Variants in TCF4 observed in about 807,000 individuals in gnomAD.
TCF4 encodes the protein transcription factor 4, also known as SL3-3 enhancer factor 2.
In TCF4, 3 loss-of-function variants were observed where a neutral mutation model predicts 82.1. The ratio of observed to expected loss-of-function variants is 0.04; its 90% CI spans 0.02 to 0.09. The LOEUF (loss-of-function observed/expected upper bound fraction) is 0.09, where lower values mean the gene tolerates loss of function less well. TCF4 is among the 10% of genes least tolerant of loss of function. The pLI, the probability that TCF4 is intolerant of heterozygous loss-of-function variation, is 1.00. For synonymous variants in TCF4, 276 were observed against 309.6 expected (o/e 0.89, Z 1.14); for missense variants, 518 against 852.7 (o/e 0.61, Z 4.89).
chr18:55,628,583 C>T (rs2097728798), intron 2 of TCF4, among the ~76,000 whole-genome samples: 1 of 151,890 alleles, frequency 6.6e-6, no homozygotes, highest in Non-Finnish European at 1.5e-5. Flanking sequence ...ATTAAAATAC[C>T]AGATAATGTC....
Position 55,587,874 on chromosome 18 carries a change from G to C in TCF4, c.-21+164C>G, listed in dbSNP as rs1344204439. Among the ~76,000 whole-genome samples, 15 of 148,320 alleles carry C rather than the reference G, an allele frequency of 1.0e-4. No individual in the cohort carries two copies. In the South Asian group the frequency reaches 2.3e-3, roughly 23 times the overall value. On this transcript the variant is annotated intron_variant, in intron 1 of 19. Transcript: ENST00000354452. ...GAGGGGCGGGGGGGCTGGCGGCGAG[G>C]GGGAGGGAAGCGGCGGGAGGGGAAG...
intron 3 of TCF4, among the ~76,000 whole-genome samples, chr18:55,529,885 T>A (rs780580152): frequency 1.3e-5 from 2 of 152,246 alleles, no homozygotes; most frequent in Non-Finnish European, 2.9e-5. Context: ...GTGATTCAGT[T>A]AACACTCCTT....
intron 6 of TCF4, among the ~76,000 whole-genome samples, chr18:55,382,684 T>C (rs2092108259): frequency 6.6e-6 from 1 of 152,202 alleles, no homozygotes; most frequent in South Asian, 2.1e-4. Flanking sequence ...ATTTATCATC[T>C]AATAATAAAC....
At chr18:55,302,591 G>A (rs2068676284) in intron 8 of TCF4, 6 of 1,531,742 alleles carry the variant, frequency 3.9e-6, no homozygotes, top group South Asian at 2.4e-5. Context: ...ATAATGGGAG[G>A]GAGAGAGGGA....
At chr18:55,356,855 A>G (rs1193372299) in intron 6 of TCF4, among the ~76,000 whole-genome samples, 3 of 152,216 alleles carry the variant, frequency 2.0e-5, no homozygotes, top group Non-Finnish European at 4.4e-5. Context: ...TAATTCCCAA[A>G]GAAATCAATT....
chr18:55,266,647 A>C (rs1487830492), intron 11 of TCF4: 2 of 151,930 alleles, frequency 1.3e-5, no homozygotes, highest in African/African-American at 4.8e-5. Context: ...CCATGGATGA[A>C]TGTGTCATGA....
chr18:55,312,496 G>A (rs116562307), intron 8 of TCF4, among the ~76,000 whole-genome samples: 59 of 152,184 alleles, frequency 3.9e-4, no homozygotes, highest in African/African-American at 1.2e-3. Context: ...AAACAATTCC[G>A]TATGGTTTTG....
In TCF4 at chr18:55,472,225, G is replaced by A. The variant is rs115012698; in HGVS notation, c.146-8088C>T. Among the ~76,000 whole-genome samples the A allele has an allele frequency of 9.7e-3, 1,481 of 152,288 alleles. 20 individuals carry two copies. Among genetic ancestry groups the A allele is most frequent in the African/African-American group, 0.034 (1,417 of 41,554 alleles). On this transcript the variant is annotated intron_variant, in intron 3 of 19. Transcript: ENST00000354452. Reference sequence around the variant, plus strand: ...TCAGATAATGAGAAAGTAACAAAATGAAGTGGGTAACTGTTATGTTACAAA... The same window carrying A: ...TCAGATAATGAGAAAGTAACAAAATAAAGTGGGTAACTGTTATGTTACAAA...
In TCF4 at chr18:55,406,100, C is replaced by T. The variant is rs571716649; in HGVS notation, c.305-2582G>A. On this transcript the variant is annotated intron_variant, in intron 5 of 19. Transcript: ENST00000354452. ...TCTGCGAGGTACCAAAGAGGCAGCA[C>T]AGCCAGCAGGAGGCTGGGAGGTGGA... Among the ~76,000 whole-genome samples the T allele has an allele frequency of 7.4e-5, 11 of 149,020 alleles. No individual in the cohort carries two copies. The South Asian group carries it at 2.3e-3, about 32-fold the overall frequency.
chr18:55,267,956 T>C (rs972780008), intron 11 of TCF4: 1 of 152,224 alleles, frequency 6.6e-6, no homozygotes, highest in African/African-American at 2.4e-5. Flanking sequence ...GACCAACAAG[T>C]AGATTCTCCT....
Position 55,223,945 on chromosome 18 carries a change from A to G in TCF4, c.*4090T>C, listed in dbSNP as rs1468663846. 1 of 152,200 alleles carries G rather than the reference A, an allele frequency of 6.6e-6. No homozygotes were observed. Among genetic ancestry groups the G allele is most frequent in the Non-Finnish European group, 1.5e-5 (1 of 68,002 alleles). The allele number at this position is 152,200 out of a possible 1,614,324, so 9.4% of individuals were successfully genotyped here. On this transcript the variant is annotated 3_prime_UTR_variant, in exon 20 of 20. Transcript: ENST00000354452. ...TTACTCATAATGATTCCAAAAATCT[A>G]CAAAGAAGAAATATTCAGAATCTGA...
intron 3 of TCF4, among the ~76,000 whole-genome samples, chr18:55,535,950 G>C (rs1442540134): frequency 6.6e-6 from 1 of 152,166 alleles, no homozygotes; most frequent in Non-Finnish European, 1.5e-5. Flanking sequence ...TTCATAAAAG[G>C]ATCTTACTGA....
At chr18:55,258,058 T>C (rs891008939) in intron 13 of TCF4, among the ~76,000 whole-genome samples, 1 of 152,106 alleles carries the variant, frequency 6.6e-6, no homozygotes, top group Admixed American at 6.6e-5. Flanking sequence ...ACACATTCAG[T>C]GTAGAAAACT....
At chr18:55,277,491 C>T (rs938872042) in intron 9 of TCF4, among the ~76,000 whole-genome samples, 4 of 151,974 alleles carry the variant, frequency 2.6e-5, no homozygotes, top group Non-Finnish European at 5.9e-5. Context: ...ATGCTTTTCA[C>T]AGTAAATTAA....
rs1215295526 is a variant in TCF4, at chr18:55,234,508, T to C, written c.1486+40A>G. 7 of 1,614,052 alleles carry C rather than the reference T, an allele frequency of 4.3e-6. No homozygotes were observed. The Admixed American group carries it at 8.3e-5, about 19-fold the overall frequency. On this transcript the variant is annotated intron_variant, in intron 16 of 19. Coordinates refer to ENST00000354452, the MANE Select transcript of TCF4 (RefSeq NM_001083962.2). Reference sequence around the variant, plus strand: ...CTGGGTATCAACACTGGTCCTATTGTGAAAGTGAGGTCAGAAGTGCCCTGG... The same window carrying C: ...CTGGGTATCAACACTGGTCCTATTGCGAAAGTGAGGTCAGAAGTGCCCTGG...
At chr18:55,587,936 CGCGG>C (rs1439295010) in intron 1 of TCF4, 98 bp downstream of exon 1, 5 of 934,934 alleles carry the variant, frequency 5.3e-6, no homozygotes, top group Non-Finnish European at 6.3e-6. Flanking sequence ...GCCGGGAGCC[CGCGG>C]CGCGGGAGGC....
intron 2 of TCF4, among the ~76,000 whole-genome samples, chr18:55,595,150 T>A (rs1193710840): frequency 6.6e-6 from 1 of 152,250 alleles, no homozygotes. Context: ...AGGCTGCCAC[T>A]AAATCTTTTG....
chr18:55,482,845 A>G (rs2958183), intron 3 of TCF4: 34,468 of 152,046 alleles, frequency 0.23, 4,331 homozygotes, highest in Non-Finnish European at 0.28. Context: ...CTTTCCTACT[A>G]TGACTATTTC....
At chr18:55,479,849 G>A (rs898679548) in intron 3 of TCF4, among the ~76,000 whole-genome samples, 2 of 152,168 alleles carry the variant, frequency 1.3e-5, no homozygotes, top group African/African-American at 4.8e-5. Context: ...AGACTTCCGT[G>A]AATTCTGGCA....
Sources: gnomAD v4.1 joint callset for allele counts (sites outside exome capture counted in the v4.1 genomes callset) on GRCh38, gnomAD v4.1.1 for gene constraint, MANE v1.5 for transcripts, NCBI Gene and HGNC (gene_info 2026-07-23, HGNC 2026-07-21) for gene names.